The following PHLPP1 variants were observed in gnomAD, a reference collection of about 807,000 sequenced individuals.
The protein encoded by PHLPP1 is PH domain and leucine rich repeat protein phosphatase 1, also known as PH domain leucine-rich repeat-containing protein phosphatase 1.
PHLPP1 carries 42 observed loss-of-function variants against 117.2 expected under a neutral mutation model. That is an observed-to-expected ratio of 0.36 (90% CI 0.28 to 0.46). The LOEUF is 0.46. Ranked by LOEUF, PHLPP1 falls within the 20% of genes least tolerant of loss-of-function variation. PHLPP1 has a pLI of 1.00. For synonymous variants in PHLPP1, 1,042 were observed against 970.7 expected (o/e 1.07, Z -1.37); for missense variants, 2,084 against 2,241.9 (o/e 0.93, Z 1.42).
At chr18:62,800,209 T>C (rs1236061571) in intron 1 of PHLPP1, among the ~76,000 whole-genome samples, 1 of 152,060 alleles carries the variant, frequency 6.6e-6, no homozygotes, top group African/African-American at 2.4e-5. Flanking sequence ...CTGAATCCAG[T>C]GGGAGGCAGA....
At chr18:62,828,274 G>A (rs1174627532) in intron 1 of PHLPP1, among the ~76,000 whole-genome samples, 1 of 152,176 alleles carries the variant, frequency 6.6e-6, no homozygotes, top group East Asian at 1.9e-4. Context: ...AAATGAACTT[G>A]TGCAGAATGG....
At chr18:62,821,141 T>G (rs1914442065) in intron 1 of PHLPP1, among the ~76,000 whole-genome samples, 2 of 152,086 alleles carry the variant, frequency 1.3e-5, no homozygotes, top group South Asian at 4.1e-4. Context: ...TCAAAATTAG[T>G]AAAAGATGGA....
chr18:62,791,502 A>G (rs1913455564), intron 1 of PHLPP1, among the ~76,000 whole-genome samples: 1 of 152,186 alleles, frequency 6.6e-6, no homozygotes, highest in Non-Finnish European at 1.5e-5. Flanking sequence ...TTGCTTCTGC[A>G]GAGGGATGCT....
At chr18:62,826,718 G>A (rs1037517950) in intron 1 of PHLPP1, among the ~76,000 whole-genome samples, 7 of 152,054 alleles carry the variant, frequency 4.6e-5, no homozygotes, top group Non-Finnish European at 4.4e-5. Flanking sequence ...AGATCCAGAG[G>A]CCATCCGGGC....
chr18:62,808,915 A>G (rs184492898), intron 1 of PHLPP1, among the ~76,000 whole-genome samples: 2 of 152,276 alleles, frequency 1.3e-5, no homozygotes, highest in Non-Finnish European at 2.9e-5. Context: ...AGTTTCTACA[A>G]AATTATACTG....
intron 12 of PHLPP1, among the ~76,000 whole-genome samples, chr18:62,949,226 T>C (rs1288934907): frequency 6.6e-6 from 1 of 152,198 alleles, no homozygotes; most frequent in Non-Finnish European, 1.5e-5. Context: ...ACTAGCTAGT[T>C]TCACCAAGCA....
At chr18:62,894,449 G>A (rs1224639514) in intron 4 of PHLPP1, among the ~76,000 whole-genome samples, 3 of 152,066 alleles carry the variant, frequency 2.0e-5, no homozygotes, top group East Asian at 3.9e-4. Context: ...CACTCATCTC[G>A]GCTTCTCAAA....
chr18:62,916,656 G>A (rs959050376), intron 9 of PHLPP1, among the ~76,000 whole-genome samples: 2 of 147,290 alleles, frequency 1.4e-5, no homozygotes, highest in African/African-American at 5.1e-5. Flanking sequence ...TTTAGTAGAG[G>A]AACAGGAAAA....
intron 12 of PHLPP1, among the ~76,000 whole-genome samples, chr18:62,957,050 C>T (rs1910629991): frequency 1.3e-5 from 2 of 152,130 alleles, no homozygotes; most frequent in South Asian, 4.1e-4. Context: ...CAAAACAATT[C>T]CCCTCTGATC....
chr18:62,836,125 A>AAAAT (rs528785081), intron 2 of PHLPP1, among the ~76,000 whole-genome samples: 2 of 151,788 alleles, frequency 1.3e-5, no homozygotes, highest in African/African-American at 4.8e-5. Flanking sequence ...TGGGTTTTCT[A>AAAAT]AAATAAATAA....
chr18:62,800,311 C>T (rs9951621), intron 1 of PHLPP1, among the ~76,000 whole-genome samples: 2 of 151,936 alleles, frequency 1.3e-5, no homozygotes, highest in Admixed American at 6.5e-5. Context: ...GAATGTTCTT[C>T]GTTTGCGTTA....
chr18:62,920,466 T>C (rs1346013144), intron 10 of PHLPP1, among the ~76,000 whole-genome samples: 1 of 152,236 alleles, frequency 6.6e-6, no homozygotes, highest in Admixed American at 6.5e-5. Context: ...TGATTCTCTG[T>C]TCCCGCTTTC....
chr18:62,963,597 A>G (rs1025135098), intron 14 of PHLPP1, 125 bp downstream of exon 14: 3 of 642,866 alleles, frequency 4.7e-6, no homozygotes, highest in Middle Eastern at 3.6e-4. Flanking sequence ...GAGTATTGCA[A>G]GTTTCCCCAG....
intron 6 of PHLPP1, among the ~76,000 whole-genome samples, chr18:62,899,560 A>G (rs1264325651): frequency 6.6e-6 from 1 of 152,174 alleles, no homozygotes; most frequent in Non-Finnish European, 1.5e-5. Context: ...CGTGGCACTT[A>G]CCACATACCT....
intron 1 of PHLPP1, among the ~76,000 whole-genome samples, chr18:62,733,175 A>G (rs1398798635): frequency 6.6e-6 from 1 of 152,208 alleles, no homozygotes; most frequent in East Asian, 1.9e-4. Flanking sequence ...TAGTTAGTTG[A>G]GCAGCAAACT....
At chr18:62,762,569 A>C (rs1199561427) in intron 1 of PHLPP1, among the ~76,000 whole-genome samples, 1 of 151,848 alleles carries the variant, frequency 6.6e-6, no homozygotes, top group African/African-American at 2.4e-5. Flanking sequence ...GTGTGCCACC[A>C]TGCCCAGCTA....
chr18:62,746,023 T>C (rs575603226), intron 1 of PHLPP1, among the ~76,000 whole-genome samples: 2 of 152,202 alleles, frequency 1.3e-5, no homozygotes, highest in East Asian at 3.9e-4. Context: ...GTTATATAAG[T>C]GGAGGAAGAT....
intron 4 of PHLPP1, among the ~76,000 whole-genome samples, chr18:62,889,864 T>C (rs1227130816): frequency 1.3e-5 from 2 of 152,230 alleles, no homozygotes; most frequent in African/African-American, 2.4e-5. Context: ...GTTAATGAGA[T>C]AGTTTATATT....
At chr18:62,772,971 A>T (rs1249867180) in intron 1 of PHLPP1, among the ~76,000 whole-genome samples, 1 of 152,126 alleles carries the variant, frequency 6.6e-6, no homozygotes, top group Non-Finnish European at 1.5e-5. Context: ...CCCCAAAAAA[A>T]ACTCTAAAAT....
Sources: gnomAD v4.1 joint callset for allele counts (sites outside exome capture counted in the v4.1 genomes callset) on GRCh38, gnomAD v4.1.1 for gene constraint, MANE v1.5 for transcripts, NCBI Gene and HGNC (gene_info 2026-07-23, HGNC 2026-07-21) for gene names.